Variants in ZNF519 observed in about 807,000 individuals in gnomAD.
The protein encoded by ZNF519 is zinc finger protein 519.
Under a neutral mutation model 7.4 loss-of-function variants are expected in ZNF519, and 7 were observed. The ratio of observed to expected loss-of-function variants is 0.94; its 90% CI spans 0.54 to 1.77. The LOEUF is 1.77. Among genes scored for constraint, ZNF519 ranks in the 40% most tolerant of loss-of-function variants. ZNF519 has a pLI of 0.00. For synonymous variants in ZNF519, 179 were observed against 203.3 expected, an observed-to-expected ratio of 0.88 and a Z score of 1.02; for missense variants, 586 against 623.1, an observed-to-expected ratio of 0.94 and a Z score of 0.63.
chr18:14,093,918 G>A (rs762490581), intron 2 of ZNF519, among the ~76,000 whole-genome samples: 3 of 152,222 alleles, frequency 2.0e-5, no homozygotes, highest in Non-Finnish European at 4.4e-5. Flanking sequence ...CCATCAGTCT[G>A]AACTTAAAAT....
intron 2 of ZNF519, among the ~76,000 whole-genome samples, chr18:14,115,694 T>C (rs1038493764): frequency 6.6e-6 from 1 of 152,112 alleles, no homozygotes; most frequent in Non-Finnish European, 1.5e-5. Context: ...ATAAAGACAA[T>C]TTCAAATATA....
Position 14,093,271 on chromosome 18 carries a change from G to T in ZNF519, c.131-8195C>A, listed in dbSNP as rs139686555. On this transcript the variant is annotated intron_variant and NMD_transcript_variant, in intron 2 of 4. Coordinates refer to the ZNF519 transcript ENST00000587419. ...AAGTTTCTACTTTCCTGAGTCTACT[G>T]AGATCCCACTCATCCCCCTCCATCC... is the stretch of plus-strand genomic sequence containing the variant. Among the ~76,000 whole-genome samples, 171 of 152,176 alleles carry T rather than the reference G, an allele frequency of 1.1e-3. 1 individual carries two copies. The highest frequency in any genetic ancestry group is 6.8e-3 in the Middle Eastern group (2 of 294).
chr18:14,129,295 G>A (rs2046317950), intron 1 of ZNF519, among the ~76,000 whole-genome samples: 1 of 152,162 alleles, frequency 6.6e-6, no homozygotes. Context: ...GAAAACTCTA[G>A]GAGGAAAGCT....
At chr18:14,079,434 A>G (rs2046061655) in intron 3 of ZNF519, among the ~76,000 whole-genome samples, 1 of 152,240 alleles carries the variant, frequency 6.6e-6, no homozygotes, top group Non-Finnish European at 1.5e-5. Flanking sequence ...TGAAAAGGCA[A>G]AAGACCTAGA....
intron 2 of ZNF519, among the ~76,000 whole-genome samples, chr18:14,118,127 C>T (rs1290878577): frequency 3.9e-5 from 6 of 152,118 alleles, no homozygotes; most frequent in Non-Finnish European, 7.4e-5. Flanking sequence ...GGCATGGCCT[C>T]GGCTCACTGC....
intron 2 of ZNF519, among the ~76,000 whole-genome samples, chr18:14,088,257 G>C (rs1017446105): frequency 1.2e-4 from 18 of 152,160 alleles, no homozygotes; most frequent in African/African-American, 4.1e-4. Flanking sequence ...AGAAAGTCTT[G>C]TTCCAAAGTA....
chr18:14,127,105 G>T (rs2846944), intron 1 of ZNF519, among the ~76,000 whole-genome samples: 1 of 152,210 alleles, frequency 6.6e-6, no homozygotes, highest in Non-Finnish European at 1.5e-5. Flanking sequence ...ACAGTTTACA[G>T]GGAGGCACAG....
chr18:14,132,025 T>A (rs1402549014), intron 1 of ZNF519, among the ~76,000 whole-genome samples: 1 of 152,142 alleles, frequency 6.6e-6, no homozygotes, highest in African/African-American at 2.4e-5. Flanking sequence ...TTCCGATGAC[T>A]TTCGCCTCAT....
intron 2 of ZNF519, among the ~76,000 whole-genome samples, chr18:14,093,548 T>C (rs1283622364): frequency 6.6e-6 from 1 of 152,192 alleles, no homozygotes; most frequent in Non-Finnish European, 1.5e-5. Flanking sequence ...TAATGGCTAC[T>C]ATTAAAAGAA....
intron 2 of ZNF519, among the ~76,000 whole-genome samples, chr18:14,118,468 T>G (rs535748993): frequency 6.6e-6 from 1 of 152,156 alleles, no homozygotes; most frequent in Non-Finnish European, 1.5e-5. Context: ...GAAGTGACAG[T>G]ATATGATTCC....
At chr18:14,099,345 T>C (rs868615473), downstream of ZNF519, among the ~76,000 whole-genome samples, 3 of 152,338 alleles carry the variant, frequency 2.0e-5, no homozygotes, top group Middle Eastern at 6.8e-3. Flanking sequence ...CCAACTAGTA[T>C]ATTTGCTCTG....
At chr18:14,079,299 T>C (rs1027329473) in intron 3 of ZNF519, among the ~76,000 whole-genome samples, 2 of 152,184 alleles carry the variant, frequency 1.3e-5, no homozygotes, top group Non-Finnish European at 2.9e-5. Flanking sequence ...ACCATGCTCA[T>C]AGATAGGAAG....
chr18:14,090,102 T>C (rs929441384), intron 2 of ZNF519: 3 of 152,196 alleles, frequency 2.0e-5, no homozygotes, highest in Non-Finnish European at 4.4e-5. Flanking sequence ...TGTCCACCGC[T>C]CACTGGCTCA....
chr18:14,103,300 C>G lies in ZNF519; in HGVS notation c.*1617G>C, dbSNP rs2046171252. 6.6e-6 allele frequency: 1 copy of G among 152,040 alleles called. No individual in the cohort carries two copies. Among genetic ancestry groups the G allele is most frequent in the Admixed American group, 6.6e-5 (1 of 15,252 alleles). 9.4% of individuals were successfully genotyped at this position (152,040 alleles called of 1,614,324 possible). ...AGGATAGACCATATGCTAGGCCATA[C>G]AGCAGGAAAACGTCAATAAAATTAA... On this transcript the variant is annotated 3_prime_UTR_variant, in exon 3 of 3. Transcript: ENST00000590202.
In ZNF519 at chr18:14,104,737, G is replaced by C. The variant is rs2046179010; in HGVS notation, c.*180C>G. On this transcript the variant is annotated 3_prime_UTR_variant, in exon 3 of 3. Transcript: ENST00000590202. ...ACACACTGATTCAGAGTAATTTACG[G>C]AAGTGCTAGCACCTTAGTTCTTTCT... The C allele has an allele frequency of 1.9e-6, 1 of 527,346 alleles. No individual in the cohort carries two copies. The highest frequency in any genetic ancestry group is 3.2e-5 in the East Asian group (1 of 31,738). The allele number at this position is 527,346 out of a possible 1,614,324, so 32.7% of individuals were successfully genotyped here. A position where few individuals can be genotyped will look rare whatever the true frequency, so the allele number is the denominator to read the frequency against.
At chr18:14,119,242 G>A (rs1340717839) in intron 2 of ZNF519, among the ~76,000 whole-genome samples, 1 of 152,122 alleles carries the variant, frequency 6.6e-6, no homozygotes, top group Non-Finnish European at 1.5e-5. Flanking sequence ...ATCAGCCTGG[G>A]AACCCAACAA....
At position 14,104,828 on chromosome 18, in the gene ZNF519, G is replaced by T; in HGVS notation, c.*89C>A. The T allele has an allele frequency of 7.6e-7, 1 of 1,316,438 alleles. No individual in the cohort carries two copies. Among genetic ancestry groups the T allele is most frequent in the South Asian group, 2.1e-5 (1 of 46,986 alleles). 81.5% of individuals were successfully genotyped at this position (1,316,438 alleles called of 1,614,324 possible). On this transcript the variant is annotated 3_prime_UTR_variant, in exon 3 of 3. Transcript: ENST00000590202. ...GTTTCAAAAATCATTACACATATGG[G>T]ATTTCTATCCAGTATTGATTTTCTA...
At chr18:14,120,417 G>A (rs533521531) in intron 2 of ZNF519, among the ~76,000 whole-genome samples, 109 of 152,174 alleles carry the variant, frequency 7.2e-4, no homozygotes, top group Non-Finnish European at 1.2e-3. Flanking sequence ...AGACTTACAT[G>A]TAAGACATAA....
Position 14,100,766 on chromosome 18 carries a change from G to A in ZNF519, c.*4151C>T, listed in dbSNP as rs944324263. On this transcript the variant is annotated 3_prime_UTR_variant, in exon 3 of 3. Transcript: ENST00000590202. ...CCTACACATGTAATAAAATTGCACA[G>A]AACACACACACATAAGAAAAAATTA... 3 of 152,090 alleles carry A rather than the reference G, an allele frequency of 2.0e-5. No individual in the cohort carries two copies. The highest frequency in any genetic ancestry group is 7.2e-5 in the African/African-American group (3 of 41,410). 9.4% of individuals were successfully genotyped at this position (152,090 alleles called of 1,614,324 possible).
Sources: gnomAD v4.1 joint callset for allele counts (sites outside exome capture counted in the v4.1 genomes callset) on GRCh38, gnomAD v4.1.1 for gene constraint, MANE v1.5 for transcripts, NCBI Gene and HGNC (gene_info 2026-07-23, HGNC 2026-07-21) for gene names.